PRKN: variants seen among roughly 807,000 people sequenced by gnomAD.
The protein encoded by PRKN is parkin RBR E3 ubiquitin protein ligase, also known as E3 ubiquitin-protein ligase parkin.
Under a neutral mutation model 59.5 loss-of-function variants are expected in PRKN, and 56 were observed. The ratio of observed to expected loss-of-function variants is 0.94; its 90% confidence interval spans 0.76 to 1.18. The LOEUF is 1.18. PRKN is among the 50% of genes most tolerant of loss of function. PRKN has a pLI of 0.00. For missense variants in PRKN, 657 were observed against 596.4 expected (o/e 1.10, Z -1.06); for synonymous variants, 250 against 222.1 (o/e 1.13, Z -1.12).
intron 5 of PRKN, among the ~76,000 whole-genome samples, chr6:162,005,961 A>C (rs1350769607): frequency 2.6e-5 from 4 of 152,096 alleles, no homozygotes; most frequent in Non-Finnish European, 5.9e-5. Flanking sequence ...ATATATATAT[A>C]TCTACTCACA....
At chr6:162,457,424 T>TGG (rs1218487822) in intron 1 of PRKN, among the ~76,000 whole-genome samples, 32 of 152,298 alleles carry the variant, frequency 2.1e-4, no homozygotes, top group Admixed American at 2.1e-3. Context: ...ACCTTAATAT[T>TGG]TATAATCTGA....
chr6:161,997,866 T>C (rs1194971568), intron 5 of PRKN, among the ~76,000 whole-genome samples: 2 of 152,124 alleles, frequency 1.3e-5, no homozygotes, highest in Non-Finnish European at 2.9e-5. Context: ...TGGCTGGTTA[T>C]ATATAAGCCC....
chr6:161,835,383 C>T lies in PRKN; in HGVS notation c.735-49475G>A, dbSNP rs574806448. ...CCCCCACTCCACACCCCCTGGGAAA[C>T]GTGCTTACCCCACTCTTCCGTACCC... On this transcript the variant is annotated intron_variant, in intron 6 of 11. Coordinates refer to ENST00000366898, the MANE Select transcript of PRKN (RefSeq NM_004562.3). 2.6e-3 allele frequency among the ~76,000 whole-genome samples: 391 copies of T among 152,216 alleles called. 1 individual carries two copies. The highest frequency in any genetic ancestry group is 0.017 in the Middle Eastern group (5 of 294).
intron 2 of PRKN, among the ~76,000 whole-genome samples, chr6:162,299,566 T>C (rs1284182701): frequency 6.6e-6 from 1 of 152,126 alleles, no homozygotes; most frequent in Non-Finnish European, 1.5e-5. Context: ...ATCATTATTG[T>C]GAACTTGGCT....
intron 3 of PRKN, among the ~76,000 whole-genome samples, chr6:162,226,015 C>G (rs1173031458): frequency 6.8e-6 from 1 of 146,292 alleles, no homozygotes; most frequent in African/African-American, 2.5e-5. Context: ...AGCAATGATC[C>G]CCCAGGGGAA....
At chr6:162,157,481 C>T (rs1293557977) in intron 4 of PRKN, among the ~76,000 whole-genome samples, 1 of 151,908 alleles carries the variant, frequency 6.6e-6, no homozygotes, top group Non-Finnish European at 1.5e-5. Context: ...CAAAAAGCTG[C>T]TCCAGCTGAA....
intron 7 of PRKN, among the ~76,000 whole-genome samples, chr6:161,663,614 G>A (rs2128166322): frequency 6.6e-6 from 1 of 152,290 alleles, no homozygotes; most frequent in Non-Finnish European, 1.5e-5. Flanking sequence ...TGTCAGGCAA[G>A]TTTTGTCTCC....
At chr6:162,080,547 A>G (rs1034849297) in intron 4 of PRKN, among the ~76,000 whole-genome samples, 5 of 152,166 alleles carry the variant, frequency 3.3e-5, no homozygotes, top group African/African-American at 1.2e-4. Flanking sequence ...TTAAGTATGC[A>G]ATAGTCTTAT....
intron 6 of PRKN, among the ~76,000 whole-genome samples, chr6:161,942,260 C>T (rs550135925): frequency 3.9e-5 from 6 of 152,180 alleles, no homozygotes; most frequent in East Asian, 1.9e-4. Context: ...AGGCTGGGCG[C>T]GGTGGCTCAC....
chr6:162,183,798 C>A (rs1270821280), intron 4 of PRKN, among the ~76,000 whole-genome samples: 1 of 152,154 alleles, frequency 6.6e-6, no homozygotes, highest in Non-Finnish European at 1.5e-5. Flanking sequence ...TCGATCCCTA[C>A]CATACACCCC....
In PRKN at chr6:161,909,668, C is replaced by T. The variant is rs150695413; in HGVS notation, c.734+63634G>A. 3.0e-4 allele frequency among the ~76,000 whole-genome samples: 46 copies of T among 152,268 alleles called. No homozygotes were observed. In the East Asian group the frequency reaches 5.6e-3, roughly 19 times the overall value. On this transcript the variant is annotated intron_variant, in intron 6 of 11. Transcript: ENST00000366898. The stretch of plus-strand genomic sequence containing the variant: ...TTCGGGACATGTGCTCTCTTGCTTC[C>T]GCTGGACAGTGTCTCAATACTTTCC...
intron 4 of PRKN, among the ~76,000 whole-genome samples, chr6:162,193,813 C>A (rs965475336): frequency 6.6e-6 from 1 of 152,110 alleles, no homozygotes; most frequent in Non-Finnish European, 1.5e-5. Context: ...CTCTTCAGGT[C>A]CCCTCCTGGC....
chr6:162,520,213 C>T (rs67303732), intron 1 of PRKN, among the ~76,000 whole-genome samples: 16,411 of 152,168 alleles, frequency 0.11, 1,041 homozygotes, highest in African/African-American at 0.17. Context: ...TCTAAGACAT[C>T]TACACTATGG....
intron 6 of PRKN, among the ~76,000 whole-genome samples, chr6:161,901,722 G>C (rs1461853957): frequency 6.6e-6 from 1 of 152,184 alleles, no homozygotes; most frequent in Admixed American, 6.5e-5. Context: ...AACAGGTTTT[G>C]ATTGTTACAT....
chr6:162,311,226 T>C (rs1328300857), intron 2 of PRKN, among the ~76,000 whole-genome samples: 2 of 152,114 alleles, frequency 1.3e-5, no homozygotes, highest in Non-Finnish European at 2.9e-5. Flanking sequence ...TAAGAATAGA[T>C]TTGTTAAAAT....
intron 2 of PRKN, among the ~76,000 whole-genome samples, chr6:162,418,067 G>T (rs148617246): frequency 1.0e-3 from 159 of 152,240 alleles, no homozygotes; most frequent in African/African-American, 3.7e-3. Context: ...AATATTCATG[G>T]TAGCATCATT....
chr6:162,538,136 C>T (rs894626841), intron 1 of PRKN, among the ~76,000 whole-genome samples: 14 of 152,296 alleles, frequency 9.2e-5, no homozygotes, highest in Admixed American at 2.6e-4. Flanking sequence ...CGGTGGCTCA[C>T]GCCTGTAATC....
intron 4 of PRKN, among the ~76,000 whole-genome samples, chr6:162,097,030 C>T (rs9346903): frequency 0.56 from 84,557 of 151,430 alleles, 24,220 homozygotes; most frequent in East Asian, 0.76. Context: ...GCACATGCCA[C>T]CAGGCCCAGC....
chr6:162,374,107 CG>C (rs1785913224), intron 2 of PRKN, among the ~76,000 whole-genome samples: 1 of 152,198 alleles, frequency 6.6e-6, no homozygotes, highest in Non-Finnish European at 1.5e-5. Flanking sequence ...ACTTAAAATA[CG>C]CAAGGAGGCA....
Sources: gnomAD v4.1 joint callset for allele counts (sites outside exome capture counted in the v4.1 genomes callset) on GRCh38, gnomAD v4.1.1 for gene constraint, MANE v1.5 for transcripts, NCBI Gene and HGNC (gene_info 2026-07-23, HGNC 2026-07-21) for gene names.